MUC4: variants seen among roughly 807,000 people sequenced by gnomAD.
The protein encoded by MUC4 is mucin 4, cell surface associated.
In MUC4, 202 loss-of-function variants were observed where a neutral mutation model predicts 257.9. The ratio of observed to expected loss-of-function variants is 0.78; its 90% CI spans 0.70 to 0.88. The LOEUF (loss-of-function observed/expected upper bound fraction) is 0.88. Ranked by LOEUF, MUC4 falls within the 40% of genes least tolerant of loss-of-function variation. MUC4 has a pLI of 0.00. For missense variants in MUC4, 5,976 were observed against 6,513.7 expected, an observed-to-expected ratio of 0.92 and a Z score of 2.84; for synonymous variants, 2,351 against 2,757.1, an observed-to-expected ratio of 0.85 and a Z score of 4.62.
rs1466814666 is a variant in MUC4 at position 195,763,641 on chromosome 3, G to A, written c.14045C>T (p.Ala4682Val). The A allele has an allele frequency of 6.6e-7, 1 of 1,516,266 alleles. No homozygotes were observed. Among genetic ancestry groups the A allele is most frequent in the Admixed American group, 2.1e-5 (1 of 48,144 alleles). 93.9% of individuals were successfully genotyped at this position (1,516,266 alleles called of 1,614,324 possible). A position where few individuals can be genotyped will look rare whatever the true frequency, so the allele number is the denominator to read the frequency against. Residue 4682 changes from alanine to valine, a missense_variant and splice_region_variant, in exon 12 of 25, where the codon GCC (alanine) becomes GTC (valine). Transcript: ENST00000463781. ...GCATYRPPQPAWMFGDPHITT... is the reference protein window; with the variant it reads ...GCATYRPPQPVWMFGDPHITT... ...GATGTGGGGGTCCCCGAACATCCAG[G>A]CTGGAAGGAAAAAAGAGATGCTGCC...
chr3:195,780,029 T>C lies in MUC4; in HGVS notation c.11551A>G (p.Thr3851Ala). ...LPVTIPSSVS[T>A]GDTMPLPVTS... ...ACAGGAAGAGGCATGGTGTCACCTG[T>C]GGATACTGAGGAAGGGATGGTGACA... The change falls in exon 2 of 25, where the codon ACA becomes GCA. Residue 3851 changes from threonine (T) to alanine (A), a missense_variant. Transcript: ENST00000463781. 1 of 731,290 alleles carries C rather than the reference T, an allele frequency of 1.4e-6. No homozygotes were observed. The highest frequency in any genetic ancestry group is 2.4e-5 in the South Asian group (1 of 42,272). The allele number at this position is 731,290 out of a possible 1,614,324, so 45.3% of individuals were successfully genotyped here. A position where few individuals can be genotyped will look rare whatever the true frequency, so the allele number is the denominator to read the frequency against.
rs1413991006 is a variant in MUC4 at position 195,790,644 on chromosome 3, C to T, written c.936G>A (p.Arg312=). 1 of 1,613,792 alleles carries T rather than the reference C, an allele frequency of 6.2e-7. No individual in the cohort carries two copies. The highest frequency in any genetic ancestry group is 1.3e-5 in the African/African-American group (1 of 74,892). ...AAGCTGTTGTGTCCTGAGTAGAAGT[C>T]CTTGAGAAAGTTGCTGGTGATTGTC... ...PEGQSPATFS[R]TSTQDTTAFS... is the part of the protein sequence containing the mutation. The change falls in exon 2 of 25, where the codon AGG becomes AGA. Residue 312 remains arginine (R), a synonymous_variant. Coordinates refer to ENST00000463781, the MANE Select transcript of MUC4 (RefSeq NM_018406.7).
At position 195,752,465 on chromosome 3, in the gene MUC4, A is replaced by T. The variant is rs1423929859; in HGVS notation, c.15509-19T>A. On this transcript the variant is annotated intron_variant, in intron 20 of 24. Transcript: ENST00000463781. ...GGAAGTTCTGGAGATGGGAGAAGCA[A>T]ATGTATCATCACCCCACGGTTTACC... The T allele has an allele frequency of 1.2e-6, 2 of 1,605,284 alleles. No individual in the cohort carries two copies. The highest frequency in any genetic ancestry group is 2.7e-5 in the African/African-American group (2 of 74,756).
intron 10 of MUC4, among the ~76,000 whole-genome samples, chr3:195,764,492 G>C (rs894033715): frequency 1.3e-5 from 2 of 152,176 alleles, no homozygotes; most frequent in African/African-American, 4.8e-5. Flanking sequence ...CAAATTTCCT[G>C]TCTTGAGGGT....
rs200272859 is a variant in MUC4 at position 195,760,983 on chromosome 3, T to C, written c.14749A>G (p.Ser4917Gly). Reference protein sequence around the residue: ...EHLISNCDGDSSCIYDTLALR... With the variant: ...EHLISNCDGDGSCIYDTLALR... ...GCCAGGGTGTCATAGATGCATGAGCTATCTCCGTCACAGTTGGAGATCAAA... is the reference window on the plus strand; with the variant it reads ...GCCAGGGTGTCATAGATGCATGAGCCATCTCCGTCACAGTTGGAGATCAAA... Residue 4917 changes from serine (S) to glycine (G), a missense_variant, in exon 16 of 25, where the codon AGC becomes GGC. Physicochemically the swap from Ser to Gly is moderately conservative, Grantham distance 56 (BLOSUM62 0). Coordinates refer to ENST00000463781, the MANE Select transcript of MUC4 (RefSeq NM_018406.7). 1.2e-6 allele frequency: 2 copies of C among 1,614,206 alleles called. No individual in the cohort carries two copies. Among genetic ancestry groups the C allele is most frequent in the East Asian group, 4.5e-5 (2 of 44,888 alleles).
intron 1 of MUC4, among the ~76,000 whole-genome samples, chr3:195,804,488 C>A (rs542399358): frequency 6.6e-6 from 1 of 152,366 alleles, no homozygotes; most frequent in Admixed American, 6.5e-5. Flanking sequence ...ACAAAGCCTG[C>A]GGCTTTCTAA....
chr3:195,747,832 G>A (rs2148734575), intron 24 of MUC4, among the ~76,000 whole-genome samples: 1 of 152,410 alleles, frequency 6.6e-6, no homozygotes, highest in African/African-American at 2.4e-5. Flanking sequence ...CTGCACTCCA[G>A]CCTGGGGGAC....
In MUC4 at chr3:195,751,777, G is replaced by A. The variant is rs113718164; in HGVS notation, c.15583-506C>T. The stretch of plus-strand genomic sequence containing the variant: ...CAGTAGTGATAATAGCAGTCATCAT[G>A]TTTGAATACTTGTGTGTCAGGCACT... On this transcript the variant is annotated intron_variant, in intron 21 of 24. Transcript: ENST00000463781. 2.0e-3 allele frequency: 412 copies of A among 207,100 alleles called. 1 individual carries two copies. The highest frequency in any genetic ancestry group is 9.1e-3 in the African/African-American group (398 of 43,592). The allele number at this position is 207,100 out of a possible 1,614,324, so 12.8% of individuals were successfully genotyped here. A position where few individuals can be genotyped will look rare whatever the true frequency, so the allele number is the denominator to read the frequency against.
At position 195,767,805 on chromosome 3, in the gene MUC4, T is replaced by C. The variant is rs867376772; in HGVS notation, c.13530-1054A>G. Among the ~76,000 whole-genome samples, 179 of 33,626 alleles carry C rather than the reference T, an allele frequency of 5.3e-3. 7 individuals carry two copies. Among genetic ancestry groups the C allele is most frequent in the Middle Eastern group, 0.03 (2 of 66 alleles). 22.1% of individuals were successfully genotyped at this position (33,626 alleles called of 152,430 possible). On this transcript the variant is annotated intron_variant, in intron 7 of 24. Coordinates refer to ENST00000463781, the MANE Select transcript of MUC4 (RefSeq NM_018406.7). ...ACCACCATCATTGCCACCACCATCA[T>C]CACCACCATCACCACCACCACCACC...
Position 195,755,458 on chromosome 3 carries a change from G to A in MUC4, c.15169-1086C>T, listed in dbSNP as rs977022736. Among the ~76,000 whole-genome samples, 2 of 152,024 alleles carry A rather than the reference G, an allele frequency of 1.3e-5. No homozygotes were observed. Among genetic ancestry groups the A allele is most frequent in the African/African-American group, 4.8e-5 (2 of 41,380 alleles). ...CAATCCGCCTGCCTCAGGCTCCTATGTGGCCTGCAAACTGGATTTCATATA... is the reference window on the plus strand; with the variant it reads ...CAATCCGCCTGCCTCAGGCTCCTATATGGCCTGCAAACTGGATTTCATATA... On this transcript the variant is annotated intron_variant, in intron 18 of 24. Transcript: ENST00000463781. The surrounding 1 kb of genome is among the most constrained non-coding windows in gnomAD (Gnocchi z 5.0).
rs535655848 is a variant in MUC4 at position 195,777,964 on chromosome 3, G to A, written c.12943+339C>T. On this transcript the variant is annotated intron_variant, in intron 3 of 24. Transcript: ENST00000463781. ...CCACACCTTTGTTCCAGCTGTTCCCGCCCTCCTCCCTGCCTGGGGTGCTCC... is the reference window on the plus strand; with the variant it reads ...CCACACCTTTGTTCCAGCTGTTCCCACCCTCCTCCCTGCCTGGGGTGCTCC... Among the ~76,000 whole-genome samples the A allele has an allele frequency of 1.3e-4, 20 of 150,986 alleles. 1 individual carries two copies. The South Asian group carries it at 1.9e-3, about 14-fold the overall frequency.
chr3:195,748,439 C>T (rs1413195649), intron 24 of MUC4, among the ~76,000 whole-genome samples: 3 of 152,256 alleles, frequency 2.0e-5, no homozygotes, highest in Non-Finnish European at 2.9e-5. Context: ...TGGTGCATGC[C>T]TGTAGTCCCA....
At chr3:195,753,518 G>A (rs958089616) in intron 19 of MUC4, 5 of 497,924 alleles carry the variant, frequency 1.0e-5, no homozygotes, top group Admixed American at 4.1e-5. Flanking sequence ...CCCCCAGCTG[G>A]CTTTCCTCAC....
chr3:195,758,429 A>G (rs987412406), intron 17 of MUC4, among the ~76,000 whole-genome samples: 2 of 152,224 alleles, frequency 1.3e-5, no homozygotes, highest in Non-Finnish European at 2.9e-5. Flanking sequence ...CTTGTCCTAC[A>G]TTAGAGCCTT....
At position 195,764,870 on chromosome 3, in the gene MUC4, G is replaced by A. The variant is rs148422522; in HGVS notation, c.13924+127C>T. 2.6e-4 allele frequency: 358 copies of A among 1,362,416 alleles called. 2 individuals are homozygous for A. In the African/African-American group the frequency reaches 4.0e-3, roughly 15 times the overall value. The allele number at this position is 1,362,416 out of a possible 1,614,324, so 84.4% of individuals were successfully genotyped here. A position where few individuals can be genotyped will look rare whatever the true frequency, so the allele number is the denominator to read the frequency against. On this transcript the variant is annotated intron_variant, in intron 10 of 24. Transcript: ENST00000463781. Reference sequence around the variant, plus strand: ...GTGGGGATGTTGGAAGCTTCCTAACGTTACCCGATCAGGAAGTGGAGGCCC... The same window carrying A: ...GTGGGGATGTTGGAAGCTTCCTAACATTACCCGATCAGGAAGTGGAGGCCC...
intron 17 of MUC4, 37 bp downstream of exon 17, chr3:195,759,087 A>G: frequency 6.2e-7 from 1 of 1,608,016 alleles, no homozygotes; most frequent in Non-Finnish European, 8.5e-7. Flanking sequence ...TCCCCTACCC[A>G]CCTCCCCACT....
In MUC4 at chr3:195,781,649, T is replaced by G; in HGVS notation, c.9931A>C (p.Thr3311Pro). ...GAAGCGTCGGTGACAAGAAGAGGAGTGGCGTGACCTGTGGATACTGAGGAA... is the reference window on the plus strand; with the variant it reads ...GAAGCGTCGGTGACAAGAAGAGGAGGGGCGTGACCTGTGGATACTGAGGAA... ...ETSSVSTGHA[T>P]PLLVTDASSA... Residue 3311 changes from threonine (T) to proline (P), a missense_variant, in exon 2 of 25, where the codon ACT becomes CCT. By Grantham distance (38) the Thr-to-Pro change is conservative. Around this residue, in one of 44 missense-constraint regions of MUC4, gnomAD observed 72 missense variants for 33.5 expected, o/e 2.15. Coordinates refer to ENST00000463781, the MANE Select transcript of MUC4 (RefSeq NM_018406.7). 1 of 439,468 alleles carries G rather than the reference T, an allele frequency of 2.3e-6. No homozygotes were observed. The highest frequency in any genetic ancestry group is 5.7e-5 in the Admixed American group (1 of 17,410). The allele number at this position is 439,468 out of a possible 1,614,324, so 27.2% of individuals were successfully genotyped here.
At chr3:195,775,440 C>T (rs1271135179) in intron 3 of MUC4, among the ~76,000 whole-genome samples, 230 of 82,660 alleles carry the variant, frequency 2.8e-3, no homozygotes, top group Admixed American at 3.8e-3. Context: ...CCTTCCACAC[C>T]CATACCTTCC....
At chr3:195,775,529 C>G (rs867298548) in intron 3 of MUC4, among the ~76,000 whole-genome samples, 5 of 65,666 alleles carry the variant, frequency 7.6e-5, no homozygotes, top group Non-Finnish European at 1.1e-4. Flanking sequence ...ACCTTCCACA[C>G]CCATACCTTC....
Sources: gnomAD v4.1 joint callset for allele counts (sites outside exome capture counted in the v4.1 genomes callset) on GRCh38, gnomAD v4.1.1 for gene constraint, gnomAD v4.1.1 regional missense constraint, Gnocchi (gnomAD v3.1) non-coding constraint, MANE v1.5 for transcripts, NCBI Gene and HGNC (gene_info 2026-07-23, HGNC 2026-07-21) for gene names.